Variants in MEGF11 observed in about 807,000 individuals in gnomAD.
MEGF11 encodes multiple EGF like domains 11.
A neutral mutation model predicts 146.6 loss-of-function variants in MEGF11; 126 were observed. That is an observed-to-expected ratio of 0.86 (90% CI 0.74 to 1.00). MEGF11 has a LOEUF of 1.00. Among genes scored for constraint, MEGF11 ranks in the 50% least tolerant of loss-of-function variants. The pLI is 0.00. For synonymous variants in MEGF11, 532 were observed against 583.4 expected (o/e 0.91, Z 1.27); for missense variants, 1,509 against 1,521.2 (o/e 0.99, Z 0.13).
At chr15:66,002,918 G>A (rs2082407296) in intron 5 of MEGF11, among the ~76,000 whole-genome samples, 1 of 151,844 alleles carries the variant, frequency 6.6e-6, no homozygotes, top group Non-Finnish European at 1.5e-5. Context: ...ATTTTTTCAA[G>A]GTCACAGGAT....
intron 4 of MEGF11, among the ~76,000 whole-genome samples, chr15:66,111,647 T>A (rs922512687): frequency 6.6e-6 from 1 of 152,084 alleles, no homozygotes; most frequent in Non-Finnish European, 1.5e-5. Context: ...CAGCTCCATG[T>A]AGGGGGGATT....
At chr15:66,026,033 G>A (rs188256952) in intron 5 of MEGF11, among the ~76,000 whole-genome samples, 2 of 152,204 alleles carry the variant, frequency 1.3e-5, no homozygotes, top group African/African-American at 4.8e-5. Flanking sequence ...AATCACCTGG[G>A]GAACTTTAAA....
chr15:65,972,506 G>A (rs1011042003), intron 7 of MEGF11, among the ~76,000 whole-genome samples: 1 of 151,460 alleles, frequency 6.6e-6, no homozygotes, highest in Non-Finnish European at 1.5e-5. Flanking sequence ...CCCAGGAGTT[G>A]GAGACCAGCC....
intron 4 of MEGF11, among the ~76,000 whole-genome samples, chr15:66,111,595 A>T (rs2087411031): frequency 6.6e-6 from 1 of 152,190 alleles, no homozygotes; most frequent in African/African-American, 2.4e-5. Context: ...GGAGCCAGGG[A>T]CTTCATACCC....
chr15:66,000,667 T>C (rs748976219), intron 5 of MEGF11, among the ~76,000 whole-genome samples: 9 of 152,208 alleles, frequency 5.9e-5, no homozygotes, highest in Admixed American at 1.3e-4. Context: ...ATTCAGTGAA[T>C]AATTCATCAG....
At chr15:65,969,781 C>G (rs1388806558) in intron 8 of MEGF11, among the ~76,000 whole-genome samples, 2 of 152,112 alleles carry the variant, frequency 1.3e-5, no homozygotes, top group Non-Finnish European at 2.9e-5. Context: ...CCCCACAGAA[C>G]CAGGCATGGG....
chr15:66,064,917 A>C (rs1019204763), intron 5 of MEGF11, among the ~76,000 whole-genome samples: 3 of 152,150 alleles, frequency 2.0e-5, no homozygotes, highest in African/African-American at 7.2e-5. Context: ...GGCTGGGAGC[A>C]CTGTGAGTCA....
chr15:66,094,516 G>C, intron 4 of MEGF11, 22 bp from the exon 5 acceptor site: 1 of 1,546,156 alleles, frequency 6.5e-7, no homozygotes, highest in South Asian at 1.2e-5. Flanking sequence ...TGGGGAGAGG[G>C]AGGAAGAACC....
At chr15:66,160,239 AGCCCTC>A (rs1464327093) in intron 1 of MEGF11, among the ~76,000 whole-genome samples, 1 of 89,434 alleles carries the variant, frequency 1.1e-5, no homozygotes, top group African/African-American at 5.9e-5. Flanking sequence ...CCCAAGGAAA[AGCCCTC>A]TCTCTCTCTC....
intron 5 of MEGF11, among the ~76,000 whole-genome samples, chr15:66,086,082 G>T (rs761986019): frequency 1.8e-4 from 27 of 151,958 alleles, no homozygotes; most frequent in Non-Finnish European, 3.1e-4. Flanking sequence ...CGAAGACAAG[G>T]TCTTTGAATT....
intron 1 of MEGF11, among the ~76,000 whole-genome samples, chr15:66,236,172 C>T (rs1288716713): frequency 1.3e-5 from 2 of 152,080 alleles, no homozygotes; most frequent in African/African-American, 4.8e-5. Flanking sequence ...TATGCAAAGA[C>T]ACAGAGGTGT....
At chr15:66,151,366 A>T (rs950890649) in intron 1 of MEGF11, among the ~76,000 whole-genome samples, 3 of 151,882 alleles carry the variant, frequency 2.0e-5, no homozygotes, top group African/African-American at 7.3e-5. Context: ...CCTCGGGGGG[A>T]ATTTAGACAG....
intron 20 of MEGF11, chr15:65,913,412 C>T: frequency 2.3e-6 from 1 of 433,130 alleles, no homozygotes; most frequent in Admixed American, 3.5e-5. Flanking sequence ...GTTGGGGAGA[C>T]AGTCCTCTGG....
At chr15:66,117,947 G>A (rs1427580815) in intron 4 of MEGF11, among the ~76,000 whole-genome samples, 4 of 152,088 alleles carry the variant, frequency 2.6e-5, no homozygotes, top group Non-Finnish European at 5.9e-5. Context: ...TCCAGCATTG[G>A]GGGAGATGTA....
At chr15:66,220,396 G>T in intron 1 of MEGF11, among the ~76,000 whole-genome samples, 1 of 152,114 alleles carries the variant, frequency 6.6e-6, no homozygotes, top group South Asian at 2.1e-4. Context: ...AGAGATTACT[G>T]TATGATCCCA....
chr15:65,954,615 T>C (rs2141467739), intron 10 of MEGF11, among the ~76,000 whole-genome samples: 1 of 152,320 alleles, frequency 6.6e-6, no homozygotes, highest in Middle Eastern at 3.4e-3. Context: ...ACAATCTGTA[T>C]TAGCCCTGAG....
chr15:66,171,100 T>C (rs2090241370), intron 1 of MEGF11, among the ~76,000 whole-genome samples: 1 of 152,212 alleles, frequency 6.6e-6, no homozygotes, highest in Non-Finnish European at 1.5e-5. Context: ...CAAGCTCTGC[T>C]TGAAGAAGCT....
Position 65,916,809 on chromosome 15 carries a change from G to A in MEGF11, c.2215+19C>T. 1 of 1,610,810 alleles carries A rather than the reference G, an allele frequency of 6.2e-7. No homozygotes were observed. The highest frequency in any genetic ancestry group is 8.5e-7 in the Non-Finnish European group (1 of 1,178,562). On this transcript the variant is annotated intron_variant, in intron 17 of 25. Coordinates refer to ENST00000395614, the MANE Select transcript of MEGF11 (RefSeq NM_001385028.1). ...GCATGGTATTCTAAGTGGCTGGGAG[G>A]CCAGGAGGTGGGGCTTACGCTGTGT...
At chr15:65,973,270 A>G (rs2081354308) in intron 7 of MEGF11, among the ~76,000 whole-genome samples, 1 of 152,182 alleles carries the variant, frequency 6.6e-6, no homozygotes, top group Non-Finnish European at 1.5e-5. Context: ...GAGAGCAAAG[A>G]GTTAAAGAGT....
Sources: allele counts gnomAD v4.1 joint callset (sites outside exome capture counted in the v4.1 genomes callset), GRCh38; gene constraint gnomAD v4.1.1; transcripts MANE v1.5; gene names NCBI Gene and HGNC (gene_info 2026-07-23, HGNC 2026-07-21).